The following GLUD1 variants were observed in gnomAD, a reference collection of about 807,000 sequenced individuals.
The protein encoded by GLUD1 is glutamate dehydrogenase 1, mitochondrial.
In GLUD1, 22 loss-of-function variants were observed where a neutral mutation model predicts 56.0. The ratio of observed to expected loss-of-function variants is 0.39; its 90% CI spans 0.28 to 0.56. The LOEUF (loss-of-function observed/expected upper bound fraction) is 0.56, where lower values mean the gene tolerates loss of function less well. Among genes scored for constraint, GLUD1 ranks in the 20% least tolerant of loss-of-function variants. The pLI is 0.58. For missense variants in GLUD1, 451 were observed against 732.0 expected, an observed-to-expected ratio of 0.62 and a Z score of 4.43; for synonymous variants, 223 against 269.9, an observed-to-expected ratio of 0.83 and a Z score of 1.70.
intron 1 of GLUD1, among the ~76,000 whole-genome samples, chr10:87,087,415 GC>G (rs1304576601): frequency 6.6e-6 from 1 of 152,134 alleles, no homozygotes; most frequent in East Asian, 1.9e-4. Context: ...TCAATCTTCA[GC>G]CCCTTTCCAA....
chr10:87,090,170 A>G (rs1841477504), intron 1 of GLUD1, among the ~76,000 whole-genome samples: 1 of 152,234 alleles, frequency 6.6e-6, no homozygotes, highest in African/African-American at 2.4e-5. Flanking sequence ...TAATGGTTAC[A>G]GAACCCTTAG....
At chr10:87,086,080 G>T (rs1368319641) in intron 1 of GLUD1, among the ~76,000 whole-genome samples, 1 of 152,270 alleles carries the variant, frequency 6.6e-6, no homozygotes, top group Middle Eastern at 3.4e-3. Context: ...ACAAGTCTAC[G>T]TGATAATTTG....
intron 1 of GLUD1, among the ~76,000 whole-genome samples, chr10:87,082,334 A>G (rs558721647): frequency 2.0e-5 from 3 of 152,342 alleles, no homozygotes; most frequent in East Asian, 3.9e-4. Context: ...TGTGTATAAC[A>G]AAAGACATGT....
rs1241402553 is a variant in GLUD1 at position 87,094,815 on chromosome 10, G to A, written c.-46C>T. 2.8e-6 allele frequency: 4 copies of A among 1,442,850 alleles called. No individual in the cohort carries two copies. Among genetic ancestry groups the A allele is most frequent in the East Asian group, 2.8e-5 (1 of 35,584 alleles). 89.4% of individuals were successfully genotyped at this position (1,442,850 alleles called of 1,614,324 possible). On this transcript the variant is annotated 5_prime_UTR_variant, in exon 1 of 13. Coordinates refer to ENST00000277865, the MANE Select transcript of GLUD1 (RefSeq NM_005271.5). The surrounding 1 kb of genome is among the most constrained non-coding windows in gnomAD (Gnocchi z 6.6). Reference sequence around the variant, plus strand: ...TGCGTGATGGTCGCGAAACAGGCGCGCTTTCTCAGACTCCCCGCGACTAGG... The same window carrying A: ...TGCGTGATGGTCGCGAAACAGGCGCACTTTCTCAGACTCCCCGCGACTAGG...
intron 4 of GLUD1, among the ~76,000 whole-genome samples, chr10:87,070,964 C>T (rs1846219834): frequency 6.6e-6 from 1 of 151,572 alleles, no homozygotes; most frequent in Non-Finnish European, 1.5e-5. Context: ...CCTGTCTCTA[C>T]TAAAAATACA....
chr10:87,089,702 A>C, intron 1 of GLUD1: 1 of 981,036 alleles, frequency 1.0e-6, no homozygotes, highest in South Asian at 4.7e-5. Flanking sequence ...TCCTTAATAA[A>C]GCCTTTCCTG....
At position 87,062,810 on chromosome 10, in the gene GLUD1, G is replaced by A; in HGVS notation, c.767C>T (p.Thr256Ile). The A allele has an allele frequency of 6.2e-7, 1 of 1,614,130 alleles. No homozygotes were observed. The highest frequency in any genetic ancestry group is 2.2e-5 in the East Asian group (1 of 44,872). ...TCCCCCTTGGCTGATGGGTTTACCA[G>A]TAACACAGGCGTGTGCATTAATATC... The part of the protein sequence containing the change: ...HYDINAHACV[T>I]GKPISQGGIH... Residue 256 changes from threonine to isoleucine, a missense_variant, in exon 6 of 13, where the codon ACT (threonine) becomes ATT (isoleucine). Physicochemically the swap from Thr to Ile is moderately conservative, Grantham distance 89. Coordinates refer to ENST00000277865, the MANE Select transcript of GLUD1 (RefSeq NM_005271.5).
At chr10:87,080,215 C>T (rs1841180243) in intron 1 of GLUD1, among the ~76,000 whole-genome samples, 2 of 152,080 alleles carry the variant, frequency 1.3e-5, no homozygotes, top group African/African-American at 4.8e-5. Context: ...GCCAGGATTG[C>T]AGACGGTGTC....
At chr10:87,082,094 CTTTCT>C (rs1290442349) in intron 1 of GLUD1, among the ~76,000 whole-genome samples, 2 of 152,122 alleles carry the variant, frequency 1.3e-5, no homozygotes, top group African/African-American at 2.4e-5. Flanking sequence ...GGAAATGTTA[CTTTCT>C]TTTAACTTAG....
intron 6 of GLUD1, among the ~76,000 whole-genome samples, chr10:87,062,291 A>C (rs570710143): frequency 5.9e-4 from 90 of 152,368 alleles, no homozygotes; most frequent in Non-Finnish European, 1.1e-3. Context: ...CACATGAAAC[A>C]AATTTGGGTC....
In GLUD1 at chr10:87,059,201, A is replaced by G; in HGVS notation, c.1351T>C (p.Tyr451His). ...EWLKNLNHVS[Y>H]GRLTFKYERD... is the part of the protein sequence containing the mutation. ...TCATATTTGAAGGTCAAACGGCCAT[A>G]GCTGACATGATTTAGATTCTTCAGC... is the stretch of plus-strand genomic sequence containing the variant. The change falls in exon 10 of 13, where the codon TAT becomes CAT. Residue 451 changes from tyrosine (Y) to histidine (H), a missense_variant. Coordinates refer to ENST00000277865, the MANE Select transcript of GLUD1 (RefSeq NM_005271.5). The G allele has an allele frequency of 6.2e-7, 1 of 1,613,938 alleles. No individual in the cohort carries two copies. Among genetic ancestry groups the G allele is most frequent in the South Asian group, 1.1e-5 (1 of 91,074 alleles).
At chr10:87,075,765 T>G (rs1589372591) in intron 3 of GLUD1, among the ~76,000 whole-genome samples, 1 of 152,008 alleles carries the variant, frequency 6.6e-6, no homozygotes, top group East Asian at 1.9e-4. Flanking sequence ...CTACTAAAAA[T>G]ACAAAAATTA....
intron 4 of GLUD1, among the ~76,000 whole-genome samples, chr10:87,069,408 C>T (rs755425212): frequency 6.0e-5 from 9 of 150,658 alleles, no homozygotes; most frequent in Admixed American, 2.7e-4. Flanking sequence ...CCAGCTACTC[C>T]GGAGGCTGAG....
chr10:87,065,271 TCAAAAAAAA>T (rs1846045633), intron 5 of GLUD1, among the ~76,000 whole-genome samples: 1 of 45,836 alleles, frequency 2.2e-5, no homozygotes, highest in African/African-American at 1.0e-4. Context: ...AGACTCCGTC[TCAAAAAAAA>T]AAAAAAAAAA....
intron 2 of GLUD1, 109 bp from the exon 3 acceptor site, chr10:87,076,132 T>A: frequency 1.2e-6 from 1 of 824,958 alleles, no homozygotes; most frequent in Non-Finnish European, 2.1e-6. Context: ...CTTGAATTTC[T>A]GAAAATTCAA....
chr10:87,088,130 GT>G (rs1589384416), intron 1 of GLUD1, among the ~76,000 whole-genome samples: 1 of 149,916 alleles, frequency 6.7e-6, no homozygotes, highest in East Asian at 1.9e-4. Flanking sequence ...ATTGTCCTTG[GT>G]TTCCTTGAAC....
At chr10:87,091,935 A>G (rs934711170) in intron 1 of GLUD1, among the ~76,000 whole-genome samples, 3 of 152,118 alleles carry the variant, frequency 2.0e-5, no homozygotes, top group African/African-American at 7.2e-5. Context: ...GTGTTAAAAT[A>G]TGTTTAAGAG....
intron 11 of GLUD1, among the ~76,000 whole-genome samples, chr10:87,057,317 G>T (rs1347568088): frequency 6.6e-6 from 1 of 152,040 alleles, no homozygotes; most frequent in African/African-American, 2.4e-5. Context: ...TTGTAGAGAT[G>T]GGGACTCACT....
chr10:87,083,401 T>C (rs1841308326), intron 1 of GLUD1, among the ~76,000 whole-genome samples: 1 of 152,188 alleles, frequency 6.6e-6, no homozygotes, highest in Non-Finnish European at 1.5e-5. Flanking sequence ...CGTTCAAATA[T>C]ACTCAATTTG....
Sources: gnomAD v4.1 joint callset for allele counts (sites outside exome capture counted in the v4.1 genomes callset) on GRCh38, gnomAD v4.1.1 for gene constraint, Gnocchi (gnomAD v3.1) non-coding constraint, MANE v1.5 for transcripts, NCBI Gene and HGNC (gene_info 2026-07-23, HGNC 2026-07-21) for gene names.